Variants in ACSL6 observed in about 807,000 individuals in gnomAD.
ACSL6 encodes acyl-CoA synthetase long chain family member 6.
ACSL6 carries 47 observed loss-of-function variants against 98.2 expected under a neutral mutation model. The observed-to-expected ratio is 0.48, with a 90% CI of 0.38 to 0.61. The LOEUF is 0.61. ACSL6 is among the 20% of genes least tolerant of loss of function. The pLI is 0.00. For synonymous variants in ACSL6, 362 were observed against 336.9 expected (o/e 1.07, Z -0.82); for missense variants, 761 against 913.4 (o/e 0.83, Z 2.15).
At chr5:132,002,324 C>T (rs558553189) in intron 1 of ACSL6, among the ~76,000 whole-genome samples, 1 of 152,340 alleles carries the variant, frequency 6.6e-6, no homozygotes, top group South Asian at 2.1e-4. Flanking sequence ...CTGCCACTGG[C>T]TCAAACTTAG....
In ACSL6 at chr5:131,970,717, C is replaced by T. The variant is rs1190136159; in HGVS notation, c.1435-517G>A. Reference sequence around the variant, plus strand: ...AGAAGTGCTATTTTTATCACAGACACTTAGTAGATAAGGTTATATAGTTTA... The same window carrying T: ...AGAAGTGCTATTTTTATCACAGACATTTAGTAGATAAGGTTATATAGTTTA... On this transcript the variant is annotated intron_variant, in intron 14 of 20. Coordinates refer to ENST00000651883, the MANE Select transcript of ACSL6 (RefSeq NM_001009185.3). 1.3e-5 allele frequency among the ~76,000 whole-genome samples: 2 copies of T among 152,156 alleles called. 1 individual carries two copies. Among genetic ancestry groups the T allele is most frequent in the Non-Finnish European group, 2.9e-5 (2 of 68,028 alleles).
intron 7 of ACSL6, 119 bp from the exon 8 acceptor site, chr5:131,986,973 CCACACA>C: frequency 1.2e-6 from 1 of 809,134 alleles, no homozygotes; most frequent in East Asian, 2.7e-5. Context: ...ACACACATAC[CCACACA>C]CTCACACACA....
At chr5:131,971,708 G>T in intron 13 of ACSL6, 63 bp from the exon 14 acceptor site, 1 of 1,410,598 alleles carries the variant, frequency 7.1e-7, no homozygotes, top group Non-Finnish European at 9.6e-7. Flanking sequence ...AGTCCATCTG[G>T]GTTTCATCCA....
In ACSL6 at chr5:131,959,796, C is replaced by A. The variant is rs1580624438; in HGVS notation, c.1960-189G>T. The A allele has an allele frequency of 9.7e-6, 6 of 617,894 alleles. No individual in the cohort carries two copies. The East Asian group carries it at 1.7e-4, about 17-fold the overall frequency. The allele number at this position is 617,894 out of a possible 1,614,324, so 38.3% of individuals were successfully genotyped here. ...CACCTCTCATCTGGCAAGTAAGTAC[C>A]TGAAATGGCCAAAGGAGTGACCATG... On this transcript the variant is annotated intron_variant, in intron 19 of 20. Coordinates refer to ENST00000651883, the MANE Select transcript of ACSL6 (RefSeq NM_001009185.3).
intron 9 of ACSL6, chr5:131,982,908 T>C (rs910687358): frequency 2.0e-5 from 3 of 152,202 alleles, no homozygotes; most frequent in Admixed American, 1.3e-4. Flanking sequence ...AGCTCACGGG[T>C]GCAGACCTAT....
rs1755731471 is a variant in ACSL6 at position 132,011,546 on chromosome 5, GT to G, written c.7del (p.Thr3ProfsTer14). ML[T>X]FFLVSGGSLW... ...GGAGCCCCCCGACACGAGGAAGAAGGTCAGCATGGCGGTCAGCGGGGCCCGG... is the reference window on the plus strand; with the variant it reads ...GGAGCCCCCCGACACGAGGAAGAAGGCAGCATGGCGGTCAGCGGGGCCCGG... On this transcript the variant is annotated frameshift_variant, in exon 1 of 21. Coordinates refer to ENST00000651883, the MANE Select transcript of ACSL6 (RefSeq NM_001009185.3). LOFTEE classifies it high-confidence loss of function. This position sits in a 1 kb window ranked among gnomAD's most constrained non-coding sequence, Gnocchi z 5.4. The G allele has an allele frequency of 6.3e-7, 1 of 1,599,488 alleles. No homozygotes were observed. The highest frequency in any genetic ancestry group is 1.4e-5 in the African/African-American group (1 of 73,300).
In ACSL6 at chr5:132,011,619, G is replaced by A; in HGVS notation, c.-66C>T. On this transcript the variant is annotated 5_prime_UTR_variant, in exon 1 of 21. Transcript: ENST00000651883. The surrounding 1 kb of genome is among the most constrained non-coding windows in gnomAD (Gnocchi z 5.4). ...CGACCCGCAGCCCCGCAGCCCCGCA[G>A]CCCAGCAGCCCCAGCAGTAGCCGCG... 1 of 1,353,134 alleles carries A rather than the reference G, an allele frequency of 7.4e-7. No individual in the cohort carries two copies. The highest frequency in any genetic ancestry group is 9.5e-7 in the Non-Finnish European group (1 of 1,053,838). The allele number at this position is 1,353,134 out of a possible 1,614,324, so 83.8% of individuals were successfully genotyped here. A position where few individuals can be genotyped will look rare whatever the true frequency, so the allele number is the denominator to read the frequency against.
chr5:131,990,732 C>T, intron 3 of ACSL6, 121 bp downstream of exon 3: 1 of 855,758 alleles, frequency 1.2e-6, no homozygotes, highest in Non-Finnish European at 1.9e-6. Context: ...AGCTTCTCTC[C>T]ACTGAACCTG....
At chr5:131,981,217 A>C (rs17132192) in intron 9 of ACSL6, among the ~76,000 whole-genome samples, 2,008 of 151,952 alleles carry the variant, frequency 0.013, 28 homozygotes, top group African/African-American at 0.033. Flanking sequence ...TCTCAGCTAT[A>C]AGAAACACTT....
chr5:132,001,671 G>A (rs933896422), intron 1 of ACSL6: 1 of 152,178 alleles, frequency 6.6e-6, no homozygotes, highest in African/African-American at 2.4e-5. Flanking sequence ...GCCCAGCTAA[G>A]GCTGGCTGTG....
At chr5:131,970,566 C>G (rs1482225251) in intron 14 of ACSL6, among the ~76,000 whole-genome samples, 1 of 152,066 alleles carries the variant, frequency 6.6e-6, no homozygotes, top group African/African-American at 2.4e-5. Flanking sequence ...TGTGCCACCA[C>G]ACGTGGCTAA....
chr5:132,009,717 G>A (rs1755609658), intron 1 of ACSL6, among the ~76,000 whole-genome samples: 1 of 152,130 alleles, frequency 6.6e-6, no homozygotes, highest in Admixed American at 6.5e-5. Flanking sequence ...TTAGAGGAGG[G>A]AGCTGACCAC....
At chr5:131,978,754 G>A (rs1419193104) in intron 9 of ACSL6, among the ~76,000 whole-genome samples, 2 of 152,182 alleles carry the variant, frequency 1.3e-5, no homozygotes, top group Admixed American at 6.5e-5. Context: ...TTAAAGGCAC[G>A]AATGGAGATA....
chr5:131,980,697 C>A (rs1275201213), intron 9 of ACSL6, among the ~76,000 whole-genome samples: 1 of 152,158 alleles, frequency 6.6e-6, no homozygotes, highest in Non-Finnish European at 1.5e-5. Context: ...TTTTGAGACA[C>A]TTTCATATGA....
chr5:131,962,742 C>T, intron 17 of ACSL6, 64 bp from the exon 18 acceptor site: 1 of 1,585,542 alleles, frequency 6.3e-7, no homozygotes, highest in South Asian at 1.2e-5. Flanking sequence ...CTTTGCTCCT[C>T]AGTGCCGTAA....
Position 131,950,228 on chromosome 5 carries a change from T to G in ACSL6, c.*4006A>C, listed in dbSNP as rs1752092262. 5.0e-6 allele frequency: 1 copy of G among 200,932 alleles called. No individual in the cohort carries two copies. Among genetic ancestry groups the G allele is most frequent in the Non-Finnish European group, 1.0e-5 (1 of 97,540 alleles). The allele number at this position is 200,932 out of a possible 1,614,324, so 12.4% of individuals were successfully genotyped here. A position where few individuals can be genotyped will look rare whatever the true frequency, so the allele number is the denominator to read the frequency against. ...TAACAAGGAAAATTAGAATAATCGG[T>G]CAAATGAATGTTTAAAAGCCACTGT... On this transcript the variant is annotated 3_prime_UTR_variant, in exon 21 of 21. Transcript: ENST00000651883.
At chr5:131,989,996 A>G in intron 4 of ACSL6, 104 bp downstream of exon 4, 4 of 1,237,078 alleles carry the variant, frequency 3.2e-6, no homozygotes, top group Non-Finnish European at 3.4e-6. Context: ...CCAGGGAAAT[A>G]AATGACCCTC....
chr5:131,974,492 ACT>A (rs1343654424), intron 11 of ACSL6, among the ~76,000 whole-genome samples: 3 of 152,150 alleles, frequency 2.0e-5, no homozygotes, highest in Non-Finnish European at 1.5e-5. Context: ...AAGCTGCAAT[ACT>A]CTCTGAGAAG....
At chr5:131,984,990 G>A (rs1754096545) in intron 9 of ACSL6, 1 of 230,444 alleles carries the variant, frequency 4.3e-6, no homozygotes. Context: ...AGTGGAGGTA[G>A]GACTCAAACC....
Sources: gnomAD v4.1 joint callset for allele counts (sites outside exome capture counted in the v4.1 genomes callset) on GRCh38, gnomAD v4.1.1 for gene constraint, Gnocchi (gnomAD v3.1) non-coding constraint, MANE v1.5 for transcripts, NCBI Gene and HGNC (gene_info 2026-07-23, HGNC 2026-07-21) for gene names.